DGKI: variants seen among roughly 807,000 people sequenced by gnomAD.
DGKI encodes the protein DAG kinase iota.
Under a neutral mutation model 147.5 loss-of-function variants are expected in DGKI, and 55 were observed. The observed-to-expected ratio is 0.37, with a 90% CI of 0.30 to 0.47. DGKI has a LOEUF of 0.47. Among genes scored for constraint, DGKI ranks in the 20% least tolerant of loss-of-function variants. The pLI is 1.00. For missense variants in DGKI, 1,007 were observed against 1,323.8 expected (o/e 0.76, Z 3.71); for synonymous variants, 469 against 477.1 (o/e 0.98, Z 0.22).
intron 7 of DGKI, among the ~76,000 whole-genome samples, chr7:137,621,047 C>T (rs1020011017): frequency 1.3e-5 from 2 of 152,144 alleles, no homozygotes; most frequent in African/African-American, 4.8e-5. Context: ...CAAATATGTC[C>T]ACCCTAATTA....
chr7:137,503,636 C>T (rs1816261897), intron 21 of DGKI, among the ~76,000 whole-genome samples: 1 of 152,064 alleles, frequency 6.6e-6, no homozygotes, highest in South Asian at 2.1e-4. Context: ...TTTAATTATC[C>T]TTGGTCAATA....
At chr7:137,803,050 G>C (rs1033804283) in intron 1 of DGKI, among the ~76,000 whole-genome samples, 8 of 152,126 alleles carry the variant, frequency 5.3e-5, no homozygotes, top group Admixed American at 3.3e-4. Context: ...CACTACAAAA[G>C]GGAATCCAGA....
At chr7:137,491,264 G>C (rs1815754384) in intron 21 of DGKI, among the ~76,000 whole-genome samples, 1 of 152,162 alleles carries the variant, frequency 6.6e-6, no homozygotes, top group South Asian at 2.1e-4. Context: ...TTGTGGAAAG[G>C]CACAGTTACC....
intron 1 of DGKI, among the ~76,000 whole-genome samples, chr7:137,751,936 G>A (rs1243247357): frequency 2.6e-5 from 4 of 152,004 alleles, no homozygotes; most frequent in African/African-American, 4.8e-5. Flanking sequence ...AAGAAACAAA[G>A]CAGCATCACT....
In DGKI at chr7:137,846,447, G is replaced by A. The variant is rs1183754224; in HGVS notation, c.401+15C>T. The A allele has an allele frequency of 5.1e-6, 8 of 1,569,162 alleles. No homozygotes were observed. Among genetic ancestry groups the A allele is most frequent in the Non-Finnish European group, 6.9e-6 (8 of 1,154,726 alleles). ...CGCGGCGCACCTGTCTCGGCTGCCG[G>A]CTCCCCGCACCTACCTGTACGAGAC... On this transcript the variant is annotated intron_variant, in intron 1 of 32. Transcript: ENST00000614521. The surrounding 1 kb of genome is among the most constrained non-coding windows in gnomAD (Gnocchi z 4.0).
chr7:137,685,266 A>G (rs1823376875), intron 2 of DGKI, among the ~76,000 whole-genome samples: 1 of 152,236 alleles, frequency 6.6e-6, no homozygotes, highest in Admixed American at 6.5e-5. Flanking sequence ...TGAGGAAGGA[A>G]AACAAAATAA....
chr7:137,638,635 T>C (rs1821495427), intron 6 of DGKI, among the ~76,000 whole-genome samples: 2 of 9,050 alleles, frequency 2.2e-4, no homozygotes, highest in African/African-American at 1.2e-3. Context: ...TATATGTGTG[T>C]ATATATGTGT....
At chr7:137,762,067 A>G (rs1313412921) in intron 1 of DGKI, among the ~76,000 whole-genome samples, 1 of 152,120 alleles carries the variant, frequency 6.6e-6, no homozygotes, top group African/African-American at 2.4e-5. Context: ...ATTATTTCTC[A>G]TTATTTCTGG....
At chr7:137,544,588 T>G (rs1817806904) in intron 20 of DGKI, among the ~76,000 whole-genome samples, 1 of 152,176 alleles carries the variant, frequency 6.6e-6, no homozygotes, top group Admixed American at 6.5e-5. Flanking sequence ...GAGTTGAAAG[T>G]AGATTATATA....
intron 17 of DGKI, among the ~76,000 whole-genome samples, chr7:137,576,080 C>T (rs1315318231): frequency 1.4e-5 from 2 of 143,078 alleles, no homozygotes; most frequent in South Asian, 4.4e-4. Context: ...GCTCTGTCGC[C>T]CAGGCTGGAG....
chr7:137,807,132 C>T (rs565682449), intron 1 of DGKI, among the ~76,000 whole-genome samples: 7 of 152,300 alleles, frequency 4.6e-5, no homozygotes, highest in African/African-American at 1.4e-4. Flanking sequence ...TTTTGCGTCA[C>T]AAGTCTATCT....
chr7:137,444,241 T>C (rs1454628412), intron 27 of DGKI, 139 bp from the exon 28 acceptor site: 11 of 562,130 alleles, frequency 2.0e-5, no homozygotes, highest in Non-Finnish European at 3.1e-5. Flanking sequence ...AATGTGTTGA[T>C]TGCATGGTAT....
chr7:137,765,268 T>A (rs1184449457), intron 1 of DGKI, among the ~76,000 whole-genome samples: 1 of 148,964 alleles, frequency 6.7e-6, no homozygotes, highest in Non-Finnish European at 1.5e-5. Flanking sequence ...GCCAGTAGAT[T>A]TTTTTCTCCC....
chr7:137,774,373 A>G (rs1178732038), intron 1 of DGKI, among the ~76,000 whole-genome samples: 1 of 152,210 alleles, frequency 6.6e-6, no homozygotes, highest in Admixed American at 6.5e-5. Flanking sequence ...TTGTGAAAAC[A>G]GAGGAAGCTA....
chr7:137,487,795 G>GT (rs1815620846), intron 21 of DGKI, 106 bp from the exon 22 acceptor site: 4 of 997,862 alleles, frequency 4.0e-6, no homozygotes, highest in South Asian at 1.5e-5. Flanking sequence ...AATATTATGG[G>GT]TTTTTTAGAT....
intron 1 of DGKI, among the ~76,000 whole-genome samples, chr7:137,707,304 C>T (rs765460834): frequency 5.3e-5 from 8 of 152,134 alleles, no homozygotes; most frequent in Non-Finnish European, 7.3e-5. Flanking sequence ...GATTGGATAA[C>T]GTTGGTAGCA....
At chr7:137,641,747 ATGT>A (rs1267058572) in intron 6 of DGKI, among the ~76,000 whole-genome samples, 1 of 152,212 alleles carries the variant, frequency 6.6e-6, no homozygotes, top group Non-Finnish European at 1.5e-5. Flanking sequence ...TCAAGAATTG[ATGT>A]TGGAAATTTT....
intron 21 of DGKI, among the ~76,000 whole-genome samples, chr7:137,508,593 T>G (rs1256522563): frequency 6.6e-6 from 1 of 152,106 alleles, no homozygotes; most frequent in East Asian, 1.9e-4. Context: ...TAGCAAACTT[T>G]CCATTGTAAA....
At position 137,620,029 on chromosome 7, in the gene DGKI, A is replaced by G. The variant is rs529178825; in HGVS notation, c.877-89T>C. 2.7e-4 allele frequency: 200 copies of G among 727,870 alleles called. No individual in the cohort carries two copies. The African/African-American group carries it at 2.9e-3, about 11-fold the overall frequency. The allele number at this position is 727,870 out of a possible 1,614,324, so 45.1% of individuals were successfully genotyped here. A position where few individuals can be genotyped will look rare whatever the true frequency, so the allele number is the denominator to read the frequency against. On this transcript the variant is annotated intron_variant, in intron 7 of 32. Coordinates refer to ENST00000614521, the MANE Select transcript of DGKI (RefSeq NM_001321708.2). ...TAAATATGTACACACGCACACACACACACACACACACACACACACACACAC... is the reference window on the plus strand; with the variant it reads ...TAAATATGTACACACGCACACACACGCACACACACACACACACACACACAC...
Sources: gnomAD v4.1 joint callset for allele counts (sites outside exome capture counted in the v4.1 genomes callset) on GRCh38, gnomAD v4.1.1 for gene constraint, Gnocchi (gnomAD v3.1) non-coding constraint, MANE v1.5 for transcripts, NCBI Gene and HGNC (gene_info 2026-07-23, HGNC 2026-07-21) for gene names.